DST: variants seen among roughly 807,000 people sequenced by gnomAD.
The protein encoded by DST is bullous pemphigoid antigen.
Under a neutral mutation model 875.2 loss-of-function variants are expected in DST, and 253 were observed. The ratio of observed to expected loss-of-function variants is 0.29; its 90% CI spans 0.26 to 0.32. The LOEUF (loss-of-function observed/expected upper bound fraction) is 0.32. Among genes scored for constraint, DST ranks in the 10% least tolerant of loss-of-function variants. The pLI is 1.00. For missense variants in DST, 8,287 were observed against 9,111.6 expected (o/e 0.91, Z 3.68); for synonymous variants, 3,124 against 3,197.1 (o/e 0.98, Z 0.77).
At chr6:56,493,268 A>C (rs931686097) in intron 83 of DST, among the ~76,000 whole-genome samples, 179 bp from the exon 84 acceptor site, 2 of 152,210 alleles carry the variant, frequency 1.3e-5, no homozygotes, top group African/African-American at 4.8e-5. Flanking sequence ...CTGGCAAACC[A>C]AAACCCTTTA....
chr6:56,706,462 T>C (rs1468729114), intron 5 of DST, among the ~76,000 whole-genome samples: 1 of 152,192 alleles, frequency 6.6e-6, no homozygotes, highest in Non-Finnish European at 1.5e-5. Flanking sequence ...CAGAGATGAA[T>C]CAATTTTCAA....
chr6:56,722,224 A>G (rs2099419725), intron 5 of DST, among the ~76,000 whole-genome samples: 1 of 152,234 alleles, frequency 6.6e-6, no homozygotes, highest in Non-Finnish European at 1.5e-5. Context: ...GAATTAGCAC[A>G]TTAGTCATTA....
intron 5 of DST, among the ~76,000 whole-genome samples, chr6:56,711,962 G>A (rs1227318263): frequency 1.7e-4 from 26 of 150,334 alleles, no homozygotes; most frequent in East Asian, 1.2e-3. Context: ...GTAGTGGCGG[G>A]CGCCTGTAGT....
chr6:56,509,807 G>A lies in DST; in HGVS notation c.18847C>T (p.Pro6283Ser). ...TTCTCAACCTCTGCAGAGATAGAGG[G>A]TGGCTGCCTCAGACGTTCCACGATG... is the stretch of plus-strand genomic sequence containing the variant. ...ERIVERLRQPPSISAEVEKIK... is the reference protein window; with the variant it reads ...ERIVERLRQPSSISAEVEKIK... The change falls in exon 74 of 104, where the codon CCC becomes TCC. Residue 6283 changes from proline to serine, a missense_variant. By Grantham distance (74) the Pro-to-Ser change is moderately conservative. This residue lies in a region of DST where 1,292 missense variants were observed against 1,552.7 expected (regional missense o/e 0.83). Coordinates refer to ENST00000680361, the MANE Select transcript of DST (RefSeq NM_001374736.1). 1 of 1,613,700 alleles carries A rather than the reference G, an allele frequency of 6.2e-7. No homozygotes were observed. Among genetic ancestry groups the A allele is most frequent in the Non-Finnish European group, 8.5e-7 (1 of 1,179,716 alleles).
chr6:56,738,513 G>C (rs2099534731), intron 4 of DST, among the ~76,000 whole-genome samples: 1 of 152,092 alleles, frequency 6.6e-6, no homozygotes, highest in South Asian at 2.1e-4. Flanking sequence ...GTACAGATGG[G>C]GTTTCACCGT....
Position 56,640,397 on chromosome 6 carries a change from T to C in DST, c.2236A>G (p.Met746Val). 6.2e-7 allele frequency: 1 copy of C among 1,614,136 alleles called. No individual in the cohort carries two copies. Among genetic ancestry groups the C allele is most frequent in the East Asian group, 2.2e-5 (1 of 44,884 alleles). ...SLTPSLTSSS[M>V]TSGLSSGMTS... is the part of the protein sequence containing the mutation. ...ATCCCTGATGACAGGCCAGAAGTCATACTAGAAGAGGTTAGGGAAGGTGTT... is the reference window on the plus strand; with the variant it reads ...ATCCCTGATGACAGGCCAGAAGTCACACTAGAAGAGGTTAGGGAAGGTGTT... The change falls in exon 18 of 104, where the codon ATG (methionine) becomes GTG (valine). Residue 746 changes from methionine (M) to valine (V), a missense_variant. Physicochemically the swap from Met to Val is conservative, Grantham distance 21. Around this residue, in one of 10 missense-constraint regions of DST, gnomAD observed 1,160 missense variants for 1,424.3 expected, o/e 0.81. Transcript: ENST00000680361.
chr6:56,515,004 A>G (rs2096561966), intron 72 of DST, among the ~76,000 whole-genome samples: 1 of 152,118 alleles, frequency 6.6e-6, no homozygotes, highest in African/African-American at 2.4e-5. Flanking sequence ...TAATATTGCT[A>G]TTTTGACACA....
intron 2 of DST, among the ~76,000 whole-genome samples, chr6:56,940,781 G>A (rs906768196): frequency 1.3e-5 from 2 of 151,372 alleles, no homozygotes; most frequent in Non-Finnish European, 2.9e-5. Flanking sequence ...GGAGAGTTGG[G>A]ATCTCATTGT....
chr6:56,514,921 G>A (rs984983482), intron 72 of DST, among the ~76,000 whole-genome samples: 1 of 152,232 alleles, frequency 6.6e-6, no homozygotes, highest in Non-Finnish European at 1.5e-5. Flanking sequence ...AACTTCAAAG[G>A]AGTTCCATGT....
At chr6:56,560,818 CAACACAT>C (rs1305522191) in intron 57 of DST, among the ~76,000 whole-genome samples, 1 of 152,044 alleles carries the variant, frequency 6.6e-6, no homozygotes, top group Admixed American at 6.5e-5. Context: ...TTTTTTTGGG[CAACACAT>C]TATAGAATTC....
At chr6:56,794,489 G>C (rs370967527) in intron 4 of DST, among the ~76,000 whole-genome samples, 2 of 152,196 alleles carry the variant, frequency 1.3e-5, no homozygotes, top group South Asian at 4.1e-4. Flanking sequence ...ACTCAACAGA[G>C]AGGTGACCAC....
At position 56,601,490 on chromosome 6, in the gene DST, G is replaced by T. The variant is rs753976937; in HGVS notation, c.11494C>A (p.Arg3832Ser). The T allele has an allele frequency of 3.7e-6, 6 of 1,605,298 alleles. No individual in the cohort carries two copies. Among genetic ancestry groups the T allele is most frequent in the Non-Finnish European group, 5.1e-6 (6 of 1,176,094 alleles). Residue 3832 changes from arginine to serine, a missense_variant, in exon 44 of 104, where the codon CGT (arginine) becomes AGT (serine). Physicochemically the swap from Arg to Ser is moderately radical, Grantham distance 110 (BLOSUM62 -1). Coordinates refer to ENST00000680361, the MANE Select transcript of DST (RefSeq NM_001374736.1). ...VQESVTTQVE[R>S]LETQLHLEQD... The stretch of plus-strand genomic sequence containing the variant: ...TCTAGATGTAACTGAGTCTCTAAAC[G>T]TTCCACCTGGGTAGTTACTGACTCC...
chr6:56,883,016 T>C (rs1181685914), intron 3 of DST, among the ~76,000 whole-genome samples: 1 of 152,192 alleles, frequency 6.6e-6, no homozygotes, highest in Non-Finnish European at 1.5e-5. Context: ...TACAGGTGCG[T>C]GCCACCACAC....
intron 5 of DST, among the ~76,000 whole-genome samples, chr6:56,727,296 A>T (rs750191101): frequency 1.1e-4 from 16 of 152,144 alleles, no homozygotes; most frequent in Admixed American, 3.9e-4. Flanking sequence ...TGTCTCCCTA[A>T]AATGCATAAA....
rs545740461 is a variant in DST at position 56,464,103 on chromosome 6, C to T, written c.22760-339G>A. 1.4e-3 allele frequency: 546 copies of T among 394,096 alleles called. 4 individuals are homozygous for T. The highest frequency in any genetic ancestry group is 2.2e-3 in the South Asian group (104 of 47,642). The allele number at this position is 394,096 out of a possible 1,614,324, so 24.4% of individuals were successfully genotyped here. ...CATTAATCCACCAGCTACAGATGCC[C>T]ACATGGTTTCATTACCCTCTCATCA... On this transcript the variant is annotated intron_variant, in intron 100 of 103. Transcript: ENST00000680361.
At position 56,527,655 on chromosome 6, in the gene DST, A is replaced by T; in HGVS notation, c.17760T>A (p.Asp5920Glu). Residue 5920 changes from aspartate to glutamate, a missense_variant, in exon 68 of 104, where the codon GAT becomes GAA. Asp to Glu is a conservative substitution (Grantham distance 45, BLOSUM62 2). Around this residue, in one of 10 missense-constraint regions of DST, gnomAD observed 777 missense variants for 764.8 expected, o/e 1.02. Coordinates refer to ENST00000680361, the MANE Select transcript of DST (RefSeq NM_001374736.1). ...RYKDITKLST[D>E]VAKTLEQALQ... ...GCGCCTGTTCCAGAGTCTTGGCCAC[A>T]TCAGTGCTCAGTTTAGTAATGTCTT... 1.2e-6 allele frequency: 2 copies of T among 1,613,796 alleles called. No individual in the cohort carries two copies.
intron 47 of DST, 138 bp from the exon 48 acceptor site, chr6:56,594,331 A>T: frequency 1.6e-6 from 1 of 612,112 alleles, no homozygotes; most frequent in Non-Finnish European, 2.7e-6. Context: ...TTTTCAAGCT[A>T]TACCGTACTC....
At chr6:56,888,550 G>T (rs954378853) in intron 3 of DST, among the ~76,000 whole-genome samples, 76 of 152,214 alleles carry the variant, frequency 5.0e-4, no homozygotes, top group African/African-American at 1.8e-3. Context: ...ACATAGAGCT[G>T]CCTGGTCCTA....
At chr6:56,867,035 C>T (rs531538755) in intron 3 of DST, among the ~76,000 whole-genome samples, 3 of 152,308 alleles carry the variant, frequency 2.0e-5, no homozygotes, top group Non-Finnish European at 4.4e-5. Flanking sequence ...ACAACATAGT[C>T]TCACAACCCA....
Sources: allele counts gnomAD v4.1 joint callset (sites outside exome capture counted in the v4.1 genomes callset), GRCh38; gene constraint gnomAD v4.1.1; regional missense constraint gnomAD v4.1.1; transcripts MANE v1.5; gene names NCBI Gene and HGNC (gene_info 2026-07-23, HGNC 2026-07-21).